Variants in GRID2 observed in about 807,000 individuals in gnomAD.
GRID2 encodes the protein glutamate ionotropic receptor delta type subunit 2, also known as glutamate receptor ionotropic, delta-2.
A neutral mutation model predicts 114.8 loss-of-function variants in GRID2; 33 were observed. That is an observed-to-expected ratio of 0.29 (90% CI 0.22 to 0.38). The LOEUF (loss-of-function observed/expected upper bound fraction) is 0.38. Ranked by LOEUF, GRID2 falls within the 10% of genes least tolerant of loss-of-function variation. GRID2 has a pLI of 1.00. For missense variants in GRID2, 1,184 were observed against 1,257.7 expected (o/e 0.94, Z 0.89); for synonymous variants, 505 against 449.9 (o/e 1.12, Z -1.55).
chr4:92,748,523 C>G (rs1411251141), intron 2 of GRID2, among the ~76,000 whole-genome samples: 1 of 152,010 alleles, frequency 6.6e-6, no homozygotes, highest in Non-Finnish European at 1.5e-5. Flanking sequence ...CTCATACTTT[C>G]ACAGTATATT....
chr4:93,030,513 T>C (rs78422044), intron 2 of GRID2, among the ~76,000 whole-genome samples: 6,590 of 151,780 alleles, frequency 0.043, 187 homozygotes, highest in Middle Eastern at 0.085. Context: ...GCCTCTGGAG[T>C]AGCAGGGATT....
intron 9 of GRID2, among the ~76,000 whole-genome samples, chr4:93,401,776 C>G (rs769685141): frequency 6.6e-6 from 1 of 152,076 alleles, no homozygotes; most frequent in Non-Finnish European, 1.5e-5. Context: ...TCCAAAATAT[C>G]TATTGAGAGA....
intron 2 of GRID2, among the ~76,000 whole-genome samples, chr4:92,704,725 C>CTCTCTCTCTCTCTCTCTCTCTCTCTT (rs1560542517): frequency 7.5e-6 from 1 of 133,186 alleles, no homozygotes; most frequent in Non-Finnish European, 1.6e-5. Flanking sequence ...CTCTCTCTTT[C>CTCTCTCTCTCTCTCTCTCTCTCTCTT]TCTCTCTCTC....
chr4:93,379,753 G>A (rs1763686265), intron 8 of GRID2, among the ~76,000 whole-genome samples: 1 of 151,994 alleles, frequency 6.6e-6, no homozygotes, highest in South Asian at 2.1e-4. Context: ...CTGAAGCCCA[G>A]GATAATATTT....
At chr4:93,681,796 C>G (rs930996535) in intron 14 of GRID2, among the ~76,000 whole-genome samples, 4 of 152,188 alleles carry the variant, frequency 2.6e-5, no homozygotes, top group Non-Finnish European at 5.9e-5. Context: ...GGATTAAAGA[C>G]TTACATGTTA....
rs778361565 is a variant in GRID2 at position 92,315,993 on chromosome 4, C to CAAAA, written c.88+11267_88+11270dup. On this transcript the variant is annotated intron_variant, in intron 1 of 15. Transcript: ENST00000282020. ...CTCAAAAAAAAACAAAAACAAAAAGCAAAAAAAAAAAAAAAAAAAAAGAAA... is the reference window on the plus strand; with the variant it reads ...CTCAAAAAAAAACAAAAACAAAAAGCAAAAAAAAAAAAAAAAAAAAAAAAAGAAA... Among the ~76,000 whole-genome samples, 52 of 61,906 alleles carry CAAAA rather than the reference C, an allele frequency of 8.4e-4. 1 individual carries two copies. The highest frequency in any genetic ancestry group is 1.7e-3 in the African/African-American group (28 of 16,404). The allele number at this position is 61,906 out of a possible 152,430, so 40.6% of individuals were successfully genotyped here.
chr4:93,628,459 C>T (rs1397038688), intron 14 of GRID2, among the ~76,000 whole-genome samples: 1 of 152,094 alleles, frequency 6.6e-6, no homozygotes, highest in Non-Finnish European at 1.5e-5. Context: ...AGTGAAAGCT[C>T]TCCAGAGAAG....
chr4:92,770,950 TAAG>T (rs776869308), intron 2 of GRID2, among the ~76,000 whole-genome samples: 11 of 152,156 alleles, frequency 7.2e-5, no homozygotes, highest in Non-Finnish European at 1.6e-4. Context: ...ACACTTATTT[TAAG>T]AAGGTGTTTC....
At chr4:93,008,838 A>G (rs1173980246) in intron 2 of GRID2, among the ~76,000 whole-genome samples, 2 of 152,132 alleles carry the variant, frequency 1.3e-5, no homozygotes, top group Admixed American at 1.3e-4. Flanking sequence ...GCGTTCAACT[A>G]TGAAAGAGCT....
At chr4:92,959,386 T>C (rs1752640906) in intron 2 of GRID2, among the ~76,000 whole-genome samples, 1 of 151,934 alleles carries the variant, frequency 6.6e-6, no homozygotes, top group Non-Finnish European at 1.5e-5. Context: ...ATGTTGTGTT[T>C]TCATTTTTAT....
intron 5 of GRID2, among the ~76,000 whole-genome samples, chr4:93,212,488 G>A (rs1743654726): frequency 6.6e-6 from 1 of 152,098 alleles, no homozygotes; most frequent in Admixed American, 6.6e-5. Context: ...GCCTTTCCGT[G>A]CAAGTATTGT....
intron 13 of GRID2, among the ~76,000 whole-genome samples, chr4:93,591,779 T>C (rs1301993260): frequency 1.3e-5 from 2 of 152,232 alleles, no homozygotes; most frequent in Non-Finnish European, 2.9e-5. Context: ...CCTGGCTTAG[T>C]CTTGGGAGAG....
intron 1 of GRID2, among the ~76,000 whole-genome samples, chr4:92,470,365 A>G (rs1721975751): frequency 6.6e-6 from 1 of 151,912 alleles, no homozygotes. Context: ...TTTTAATTTA[A>G]TTTTAACCCC....
chr4:93,410,456 A>G (rs1466038856), intron 9 of GRID2, among the ~76,000 whole-genome samples: 11 of 152,214 alleles, frequency 7.2e-5, no homozygotes, highest in African/African-American at 2.2e-4. Context: ...AATTAAATGC[A>G]TGCTTTCAGA....
intron 2 of GRID2, among the ~76,000 whole-genome samples, chr4:92,796,328 C>A (rs1462148260): frequency 6.6e-6 from 1 of 151,882 alleles, no homozygotes; most frequent in Non-Finnish European, 1.5e-5. Context: ...CTTTATAAGG[C>A]AGTCCCTTAC....
chr4:92,632,772 A>T (rs1032212836), intron 2 of GRID2, among the ~76,000 whole-genome samples: 1 of 152,032 alleles, frequency 6.6e-6, no homozygotes, highest in Non-Finnish European at 1.5e-5. Context: ...GAAGTGAAGG[A>T]AGGGAAGAAA....
Position 93,217,884 on chromosome 4 carries a change from T to G in GRID2, c.963+973T>G, listed in dbSNP as rs569380008. Among the ~76,000 whole-genome samples, 7 of 152,116 alleles carry G rather than the reference T, an allele frequency of 4.6e-5. No individual in the cohort carries two copies. In the South Asian group the frequency reaches 1.2e-3, roughly 27 times the overall value. On this transcript the variant is annotated intron_variant, in intron 6 of 15. Transcript: ENST00000282020. ...TAGAAGTAAGCAAAACCTAATATATTTTAGAAACTTGTTCTTTAAAATATT... is the reference window on the plus strand; with the variant it reads ...TAGAAGTAAGCAAAACCTAATATATGTTAGAAACTTGTTCTTTAAAATATT...
chr4:93,277,056 T>C (rs1348586090), intron 8 of GRID2, among the ~76,000 whole-genome samples: 1 of 151,870 alleles, frequency 6.6e-6, no homozygotes, highest in East Asian at 1.9e-4. Context: ...GGGATACAGA[T>C]GCATAAATGT....
At chr4:93,430,742 C>A (rs1321356456) in intron 10 of GRID2, among the ~76,000 whole-genome samples, 2 of 152,096 alleles carry the variant, frequency 1.3e-5, no homozygotes, top group Non-Finnish European at 2.9e-5. Context: ...GCACTAGGTG[C>A]AATGATAGAG....
Sources: gnomAD v4.1 joint callset for allele counts (sites outside exome capture counted in the v4.1 genomes callset) on GRCh38, gnomAD v4.1.1 for gene constraint, MANE v1.5 for transcripts, NCBI Gene and HGNC (gene_info 2026-07-23, HGNC 2026-07-21) for gene names.